Variants in ELP2 observed in about 807,000 individuals in gnomAD.
ELP2 encodes the protein elongator acetyltransferase complex subunit 2.
Under a neutral mutation model 119.2 loss-of-function variants are expected in ELP2, and 90 were observed. The observed-to-expected ratio is 0.75, with a 90% CI of 0.64 to 0.90. The LOEUF is 0.90. ELP2 is among the 40% of genes least tolerant of loss of function. The pLI, the probability that ELP2 is intolerant of heterozygous loss-of-function variation, is 0.00. For missense variants in ELP2, 921 were observed against 967.8 expected (o/e 0.95, Z 0.64); for synonymous variants, 339 against 331.0 (o/e 1.02, Z -0.26).
chr18:36,164,882 T>G (rs1159651584), intron 18 of ELP2: 1 of 574,106 alleles, frequency 1.7e-6, no homozygotes, highest in Non-Finnish European at 3.1e-6. Flanking sequence ...CTACTTGTGA[T>G]TATGTAGTCA....
At chr18:36,172,808 G>GT (rs1434624427) in intron 21 of ELP2, among the ~76,000 whole-genome samples, 2 of 152,198 alleles carry the variant, frequency 1.3e-5, no homozygotes, top group Non-Finnish European at 2.9e-5. Flanking sequence ...TAGAATTTGA[G>GT]TTTTTTGTCT....
chr18:36,153,570 C>G (rs2090470289), intron 11 of ELP2, among the ~76,000 whole-genome samples: 1 of 152,094 alleles, frequency 6.6e-6, no homozygotes, highest in Non-Finnish European at 1.5e-5. Context: ...GTGTCAGATC[C>G]CAGAGGTTGA....
intron 1 of ELP2, 74 bp downstream of exon 1, chr18:36,130,145 T>G: frequency 6.3e-7 from 1 of 1,599,174 alleles, no homozygotes; most frequent in East Asian, 2.2e-5. Flanking sequence ...GGGCGCGCTG[T>G]TAGTTGCCGC....
At chr18:36,132,962 T>A (rs1567970631) in intron 1 of ELP2, among the ~76,000 whole-genome samples, 1 of 151,536 alleles carries the variant, frequency 6.6e-6, no homozygotes, top group Non-Finnish European at 1.5e-5. Context: ...TGTAGGAGAG[T>A]GAGCAGAAGC....
At chr18:36,152,285 A>T (rs2057832926) in intron 11 of ELP2, among the ~76,000 whole-genome samples, 1 of 151,406 alleles carries the variant, frequency 6.6e-6, no homozygotes, top group Non-Finnish European at 1.5e-5. Context: ...AAAGATTTCC[A>T]CCCTGCCTTT....
rs779050765 is a variant in ELP2 at position 36,133,245 on chromosome 18, T to G, written c.146T>G (p.Val49Gly). Reference sequence around the variant, plus strand: ...GTATTTTCTTCTCTAAAGAAAAGGGTTGTTGTTACCAACTTGAATGGTCAC... The same window carrying G: ...GTATTTTCTTCTCTAAAGAAAAGGGGTGTTGTTACCAACTTGAATGGTCAC... ...SVVLYDPLKR[V>G]VVTNLNGHTA... Residue 49 changes from valine (V) to glycine (G), a missense_variant, in exon 2 of 22, where the codon GTT (valine) becomes GGT (glycine). Val to Gly is a moderately radical substitution (Grantham distance 109). Transcript: ENST00000358232. The G allele has an allele frequency of 9.3e-6, 15 of 1,611,736 alleles. No homozygotes were observed. The African/African-American group carries it at 2.0e-4, about 22-fold the overall frequency.
chr18:36,169,945 TG>T, intron 19 of ELP2, 117 bp from the exon 20 acceptor site: 1 of 1,323,284 alleles, frequency 7.6e-7, no homozygotes, highest in African/African-American at 1.4e-5. Flanking sequence ...AATGTAATGA[TG>T]CATTTTTTAA....
chr18:36,159,003 T>C (rs1013112590), intron 14 of ELP2, 99 bp downstream of exon 14: 1 of 855,558 alleles, frequency 1.2e-6, no homozygotes, highest in African/African-American at 1.7e-5. Flanking sequence ...ACAGCTGATT[T>C]TTTTTTTAAA....
intron 5 of ELP2, 81 bp downstream of exon 5, chr18:36,138,953 T>C: frequency 9.5e-7 from 1 of 1,048,068 alleles, no homozygotes; most frequent in South Asian, 1.3e-5. Context: ...AGAAATGTAT[T>C]GGGTCTTAAT....
At chr18:36,147,257 T>A (rs1335065204) in intron 11 of ELP2, among the ~76,000 whole-genome samples, 1 of 151,990 alleles carries the variant, frequency 6.6e-6, no homozygotes, top group Non-Finnish European at 1.5e-5. Context: ...AAATTTTTTT[T>A]ATAGACACAG....
intron 1 of ELP2, among the ~76,000 whole-genome samples, chr18:36,131,907 C>T (rs1437764386): frequency 6.9e-6 from 1 of 145,848 alleles, no homozygotes; most frequent in Non-Finnish European, 1.5e-5. Flanking sequence ...GTACTTTGTC[C>T]TGTTAAATAT....
At chr18:36,162,625 A>G (rs896518769) in intron 17 of ELP2, among the ~76,000 whole-genome samples, 6 of 152,148 alleles carry the variant, frequency 3.9e-5, no homozygotes, top group African/African-American at 9.7e-5. Flanking sequence ...TATATATTTA[A>G]AATTTTAAGA....
rs2091064552 is a variant in ELP2 at position 36,171,046 on chromosome 18, G to C, written c.2211-1G>C. On this transcript the variant is annotated splice_acceptor_variant, in intron 20 of 21. Coordinates refer to ENST00000358232, the MANE Select transcript of ELP2 (RefSeq NM_018255.4). LOFTEE classifies it high-confidence loss of function. ...CTGTTGTCCCCCTCCCTTAAAAACAGATACGTGGTTGCAGTAGGATTGGAG... is the reference window on the plus strand; with the variant it reads ...CTGTTGTCCCCCTCCCTTAAAAACACATACGTGGTTGCAGTAGGATTGGAG... 1.9e-6 allele frequency: 3 copies of C among 1,602,376 alleles called. No homozygotes were observed. The highest frequency in any genetic ancestry group is 2.6e-6 in the Non-Finnish European group (3 of 1,169,292).
At chr18:36,160,121 T>G in intron 16 of ELP2, 106 bp downstream of exon 16, 1 of 1,004,186 alleles carries the variant, frequency 1.0e-6, no homozygotes, top group Non-Finnish European at 1.6e-6. Context: ...TCTACCTACC[T>G]TTTTCCTCCT....
chr18:36,133,571 AC>A (rs1337801761), intron 2 of ELP2, among the ~76,000 whole-genome samples: 1 of 152,044 alleles, frequency 6.6e-6, no homozygotes, highest in Non-Finnish European at 1.5e-5. Flanking sequence ...ATCCTGTCCC[AC>A]CTCCCCAGTT....
At chr18:36,170,692 A>G (rs915457308) in intron 20 of ELP2, among the ~76,000 whole-genome samples, 1 of 152,210 alleles carries the variant, frequency 6.6e-6, no homozygotes, top group African/African-American at 2.4e-5. Flanking sequence ...TTCAGAATGT[A>G]AAATACAGGT....
At chr18:36,148,468 A>C (rs1567993984) in intron 11 of ELP2, among the ~76,000 whole-genome samples, 2 of 152,124 alleles carry the variant, frequency 1.3e-5, no homozygotes, top group East Asian at 3.9e-4. Context: ...GACTGTAACA[A>C]GGGCTATGGG....
At chr18:36,133,877 G>A (rs1477236207) in intron 2 of ELP2, among the ~76,000 whole-genome samples, 2 of 139,442 alleles carry the variant, frequency 1.4e-5, no homozygotes, top group East Asian at 2.1e-4. Flanking sequence ...GTGGCACCAC[G>A]CCTTTCTAGT....
intron 2 of ELP2, 66 bp from the exon 3 acceptor site, chr18:36,136,241 T>C (rs775816583): frequency 9.7e-6 from 12 of 1,243,060 alleles, no homozygotes; most frequent in Admixed American, 3.4e-5. Flanking sequence ...TTGGTGTAGC[T>C]TGGAAATTTT....
Sources: allele counts gnomAD v4.1 joint callset (sites outside exome capture counted in the v4.1 genomes callset), GRCh38; gene constraint gnomAD v4.1.1; transcripts MANE v1.5; gene names NCBI Gene and HGNC (gene_info 2026-07-23, HGNC 2026-07-21).